The following TOX variants were observed in gnomAD, a reference collection of about 807,000 sequenced individuals.
The protein encoded by TOX is thymocyte selection-associated high mobility group box protein TOX.
TOX carries 11 observed loss-of-function variants against 53.7 expected under a neutral mutation model. That is an observed-to-expected ratio of 0.20 (90% confidence interval 0.13 to 0.34). TOX has a LOEUF of 0.34. Ranked by LOEUF, TOX falls within the 10% of genes least tolerant of loss-of-function variation. The probability of loss-of-function intolerance (pLI) is 1.00; values close to 1 mark genes in which losing one functional copy is unlikely to be tolerated. For synonymous variants in TOX, 225 were observed against 245.3 expected (o/e 0.92, Z 0.77); for missense variants, 570 against 664.6 (o/e 0.86, Z 1.56).
chr8:59,058,581 C>T (rs1373417075), intron 1 of TOX, among the ~76,000 whole-genome samples: 1 of 152,126 alleles, frequency 6.6e-6, no homozygotes, highest in African/African-American at 2.4e-5. Flanking sequence ...TGTGGGTCTG[C>T]CCCAGCTAAA....
chr8:58,988,379 T>C (rs888835664), intron 1 of TOX, among the ~76,000 whole-genome samples: 1 of 152,258 alleles, frequency 6.6e-6, no homozygotes, highest in Non-Finnish European at 1.5e-5. Flanking sequence ...CATTTCTGTA[T>C]GTCTATAGCC....
intron 1 of TOX, among the ~76,000 whole-genome samples, chr8:59,015,720 C>A (rs1364640944): frequency 6.6e-6 from 1 of 152,038 alleles, no homozygotes. Flanking sequence ...TAAAAACAAA[C>A]AGTATAAAGA....
At chr8:58,824,840 G>A (rs1810339737) in intron 6 of TOX, among the ~76,000 whole-genome samples, 1 of 152,186 alleles carries the variant, frequency 6.6e-6, no homozygotes, top group South Asian at 2.1e-4. Context: ...ACAAGCCCAG[G>A]AAGATTGGTC....
intron 1 of TOX, among the ~76,000 whole-genome samples, chr8:59,097,233 A>G (rs1804728271): frequency 6.6e-6 from 1 of 152,142 alleles, no homozygotes; most frequent in African/African-American, 2.4e-5. Context: ...TGAGCTTACA[A>G]ACAATGCCAC....
intron 1 of TOX, among the ~76,000 whole-genome samples, chr8:59,035,897 T>C (rs900678917): frequency 2.6e-5 from 4 of 152,242 alleles, no homozygotes; most frequent in African/African-American, 9.6e-5. Context: ...TGTGAACTCA[T>C]TTAAGCTATT....
At chr8:58,971,462 G>A (rs1204967345) in intron 1 of TOX, among the ~76,000 whole-genome samples, 4 of 152,198 alleles carry the variant, frequency 2.6e-5, no homozygotes, top group African/African-American at 9.6e-5. Context: ...CTTGCTCTAC[G>A]TAATTATGTC....
intron 3 of TOX, among the ~76,000 whole-genome samples, chr8:58,875,623 C>T (rs535914444): frequency 5.5e-4 from 84 of 152,190 alleles, no homozygotes; most frequent in African/African-American, 1.5e-3. Context: ...ATAATTTAAA[C>T]CAAAGTTCTG....
chr8:59,113,327 A>G (rs1239098900), intron 1 of TOX, among the ~76,000 whole-genome samples: 11 of 152,216 alleles, frequency 7.2e-5, no homozygotes, highest in African/African-American at 2.4e-4. Flanking sequence ...TAGCTTAGAA[A>G]TATCAGTCAT....
At chr8:58,931,270 A>G (rs17232411) in intron 3 of TOX, among the ~76,000 whole-genome samples, 1 of 152,122 alleles carries the variant, frequency 6.6e-6, no homozygotes, top group Non-Finnish European at 1.5e-5. Flanking sequence ...TTAATCTGCA[A>G]TCTCAGGTTC....
At chr8:58,891,190 T>C (rs1408757346) in intron 3 of TOX, among the ~76,000 whole-genome samples, 1 of 152,096 alleles carries the variant, frequency 6.6e-6, no homozygotes, top group Non-Finnish European at 1.5e-5. Context: ...AGTTGTCTTT[T>C]AAGAAAATAA....
chr8:58,865,436 G>A (rs1368808278), intron 3 of TOX, among the ~76,000 whole-genome samples: 1 of 148,808 alleles, frequency 6.7e-6, no homozygotes, highest in African/African-American at 2.5e-5. Context: ...TTTTTTTTTA[G>A]TTTTAATTCT....
intron 3 of TOX, among the ~76,000 whole-genome samples, chr8:58,877,434 T>C (rs941943811): frequency 6.6e-6 from 1 of 152,218 alleles, no homozygotes; most frequent in East Asian, 1.9e-4. Context: ...CCGCACAAAA[T>C]TGTGCTTCCT....
intron 1 of TOX, among the ~76,000 whole-genome samples, chr8:59,047,380 C>A (rs1803709702): frequency 6.6e-6 from 1 of 151,172 alleles, no homozygotes; most frequent in South Asian, 2.1e-4. Context: ...CCACGCCCAG[C>A]TAATTTTTTT....
chr8:58,939,536 A>C lies in TOX; in HGVS notation c.177T>G (p.Pro59=). The C allele has an allele frequency of 6.2e-7, 1 of 1,605,618 alleles. No individual in the cohort carries two copies. The highest frequency in any genetic ancestry group is 8.5e-7 in the Non-Finnish European group (1 of 1,174,950). Reference sequence around the variant, plus strand: ...AGTCTTCACTTTCCAGGCTTGGACCAGGGTAGGACTGTGAAAAGACAAAAG... The same window carrying C: ...AGTCTTCACTTTCCAGGCTTGGACCCGGGTAGGACTGTGAAAAGACAAAAG... ...QDYVPASQSY[P]GPSLESEDFN... The change falls in exon 3 of 9, where the codon CCT becomes CCG. Residue 59 remains proline (P), a synonymous_variant. Transcript: ENST00000361421.
rs985426272 is a variant in TOX, at chr8:59,118,120, G to A, written c.102+766C>T. ...GGGCCCCCGCGGCCCTGGCACCCGA[G>A]GTCAGCGGGCCGTGGGTACAGCTCA... On this transcript the variant is annotated intron_variant, in intron 1 of 8. Coordinates refer to ENST00000361421, the MANE Select transcript of TOX (RefSeq NM_014729.3). The surrounding 1 kb of genome is among the most constrained non-coding windows in gnomAD (Gnocchi z 4.1). Among the ~76,000 whole-genome samples, 5 of 152,220 alleles carry A rather than the reference G, an allele frequency of 3.3e-5. No homozygotes were observed. In the East Asian group the frequency reaches 9.7e-4, roughly 29 times the overall value.
intron 1 of TOX, among the ~76,000 whole-genome samples, chr8:59,033,109 T>G (rs1389690260): frequency 2.6e-5 from 4 of 152,110 alleles, no homozygotes; most frequent in African/African-American, 9.7e-5. Context: ...AAGATTCAAT[T>G]TGGATATCTC....
At chr8:58,921,164 C>T (rs1812067888) in intron 3 of TOX, among the ~76,000 whole-genome samples, 1 of 152,218 alleles carries the variant, frequency 6.6e-6, no homozygotes, top group African/African-American at 2.4e-5. Context: ...GAAGCTGAAG[C>T]TCTTGCACCA....
intron 1 of TOX, among the ~76,000 whole-genome samples, chr8:59,113,072 C>T (rs1254265982): frequency 6.6e-6 from 1 of 152,186 alleles, no homozygotes. Context: ...CATGGCCAAA[C>T]ATTCCTGTTC....
At chr8:58,959,534 C>T (rs1812766094) in intron 2 of TOX, among the ~76,000 whole-genome samples, 1 of 152,142 alleles carries the variant, frequency 6.6e-6, no homozygotes, top group African/African-American at 2.4e-5. Context: ...ATTTGGGTTA[C>T]GAACGTTACG....
Sources: gnomAD v4.1 joint callset for allele counts (sites outside exome capture counted in the v4.1 genomes callset) on GRCh38, gnomAD v4.1.1 for gene constraint, Gnocchi (gnomAD v3.1) non-coding constraint, MANE v1.5 for transcripts, NCBI Gene and HGNC (gene_info 2026-07-23, HGNC 2026-07-21) for gene names.